Variants in HDX observed in about 807,000 individuals in gnomAD.
HDX encodes chromosome X open reading frame 43.
A neutral mutation model predicts 45.2 loss-of-function variants in HDX; 19 were observed. The observed-to-expected ratio is 0.42, with a 90% CI of 0.29 to 0.62. HDX has a LOEUF of 0.62. Among genes scored for constraint, HDX ranks in the 20% least tolerant of loss-of-function variants. HDX has a pLI of 0.20. For synonymous variants in HDX, 188 were observed against 172.8 expected, an observed-to-expected ratio of 1.09 and a Z score of -0.69; for missense variants, 532 against 493.9, an observed-to-expected ratio of 1.08 and a Z score of -0.73.
intron 5 of HDX, among the ~76,000 whole-genome samples, chrX:84,429,587 AT>A (rs1249522312): frequency 3.3e-4 from 36 of 110,453 alleles, no homozygotes; most frequent in African/African-American, 1.1e-3. Flanking sequence ...ATACCATGGG[AT>A]TTTATATATA....
chrX:84,354,926 CACACATATAT>C (rs1208495667), intron 6 of HDX, among the ~76,000 whole-genome samples: 3 of 24,065 alleles, frequency 1.2e-4, no homozygotes, highest in African/African-American at 3.8e-4. Context: ...TATACACACA[CACACATATAT>C]ATATATATAT....
At chrX:84,487,422 CAGTT>C (rs1280392121) in intron 2 of HDX, among the ~76,000 whole-genome samples, 146 of 112,221 alleles carry the variant, frequency 1.3e-3, no homozygotes, top group African/African-American at 4.5e-3. Flanking sequence ...TGGCAGAACA[CAGTT>C]AGCAGGCAAT....
At position 84,321,955 on chromosome X, in the gene HDX, C is replaced by T; in HGVS notation, c.2007G>A (p.Leu669=). The part of the protein sequence containing the change: ...LEEMDFNHAS[L]EPDDTSFSVS... ...CACTGAATGAGGTATCATCAGGCTC[C>T]AGTGAGGCATGATTGAAATCCATTT... The change falls in exon 11 of 11, where the codon CTG becomes CTA. Residue 669 remains leucine (L), a synonymous_variant. Transcript: ENST00000373177. 1 of 1,174,674 alleles carries T rather than the reference C, an allele frequency of 8.5e-7. No homozygotes were observed.
At chrX:84,382,061 A>G (rs1484706562) in intron 5 of HDX, among the ~76,000 whole-genome samples, 1 of 112,023 alleles carries the variant, frequency 8.9e-6, no homozygotes, top group African/African-American at 3.2e-5. Flanking sequence ...ATTTTTCAGA[A>G]GACATACAAA....
chrX:84,426,506 G>T (rs1168704060), intron 5 of HDX, among the ~76,000 whole-genome samples: 1 of 111,026 alleles, frequency 9.0e-6, no homozygotes, highest in Non-Finnish European at 1.9e-5. Context: ...GACAACAGAA[G>T]TAAATCTGGA....
In HDX at chrX:84,451,717, CA is replaced by C. The variant is rs201512328; in HGVS notation, c.1252-11133del. Among the ~76,000 whole-genome samples the C allele has an allele frequency of 5.7e-5, 6 of 104,367 alleles. No homozygotes were observed. The East Asian group carries it at 9.0e-4, about 16-fold the overall frequency. 90.6% of individuals were successfully genotyped at this position (104,367 alleles called of 115,157 possible). On this transcript the variant is annotated intron_variant, in intron 4 of 10. Transcript: ENST00000373177. ...CTGATACCAACACTAGACAAGGATG[CA>C]AAAAAAAACAAATATTTTAAGCCGG...
At chrX:84,393,879 TG>T (rs768496519) in intron 5 of HDX, among the ~76,000 whole-genome samples, 6 of 111,124 alleles carry the variant, frequency 5.4e-5, no homozygotes, top group Admixed American at 1.9e-4. Flanking sequence ...TTTTTATCTC[TG>T]ATTTTGTTTA....
intron 5 of HDX, among the ~76,000 whole-genome samples, chrX:84,411,402 T>A (rs1182638295): frequency 1.8e-5 from 2 of 112,116 alleles, no homozygotes; most frequent in Non-Finnish European, 3.8e-5. Flanking sequence ...GATTTCTGAC[T>A]TAATTTTATT....
At chrX:84,479,285 G>A (rs73508951) in intron 2 of HDX, among the ~76,000 whole-genome samples, 1,218 of 111,553 alleles carry the variant, frequency 0.011, 12 homozygotes, top group African/African-American at 0.038. Context: ...TTTGACTTCC[G>A]TAGACTGCCC....
chrX:84,355,819 T>C (rs947500881), intron 6 of HDX, among the ~76,000 whole-genome samples: 23 of 108,464 alleles, frequency 2.1e-4, no homozygotes, highest in Middle Eastern at 4.8e-3. Context: ...GTAACAAACC[T>C]GCACATTGTG....
intron 6 of HDX, among the ~76,000 whole-genome samples, chrX:84,354,228 G>A (rs1456046218): frequency 4.5e-5 from 5 of 111,388 alleles, no homozygotes; most frequent in Non-Finnish European, 9.4e-5. Flanking sequence ...TTTTCAACCA[G>A]AACACCTATG....
rs771100667 is a variant in HDX at position 84,366,310 on chromosome X, A to C, written c.1306-4698T>G. Among the ~76,000 whole-genome samples the C allele has an allele frequency of 5.4e-5, 6 of 111,688 alleles. No homozygotes were observed. The East Asian group carries it at 1.7e-3, about 32-fold the overall frequency. On this transcript the variant is annotated intron_variant, in intron 5 of 10. Coordinates refer to ENST00000373177, the MANE Select transcript of HDX (RefSeq NM_001177479.2). ...AGGACCTCTTCAAGGAGAACTACAA[A>C]CCACTGCTCAAGGAAACAAGAGAGG...
chrX:84,422,663 G>GTTTTTTTTTTTTTTTTTTT (rs779557860), intron 5 of HDX, among the ~76,000 whole-genome samples: 2 of 64,921 alleles, frequency 3.1e-5, no homozygotes, highest in Non-Finnish European at 2.8e-5. Flanking sequence ...GAAATAAAAG[G>GTTTTTTTTTTTTTTTTTTT]TTTTTTTTTT....
rs1043634590 is a variant in HDX, at chrX:84,349,596, T to C, written c.1453-5139A>G. Among the ~76,000 whole-genome samples the C allele has an allele frequency of 2.0e-4, 17 of 84,064 alleles. No homozygotes were observed. The East Asian group carries it at 6.0e-3, about 30-fold the overall frequency. The allele number at this position is 84,064 out of a possible 115,157, so 73.0% of individuals were successfully genotyped here. On this transcript the variant is annotated intron_variant, in intron 6 of 10. Coordinates refer to ENST00000373177, the MANE Select transcript of HDX (RefSeq NM_001177479.2). ...ATGTGTATATATGTACATCTATATG[T>C]TTATGTGTGTGTGTATATATATATA...
In HDX at chrX:84,360,818, T is replaced by C. The variant is rs753845741; in HGVS notation, c.1452+648A>G. Among the ~76,000 whole-genome samples the C allele has an allele frequency of 2.6e-3, 288 of 112,066 alleles. 2 individuals are homozygous for C. The highest frequency in any genetic ancestry group is 9.0e-3 in the African/African-American group (279 of 30,915). On this transcript the variant is annotated intron_variant, in intron 6 of 10. Transcript: ENST00000373177. ...TCCAGATGTTGTCTATACATTCACT[T>C]GGTGGATGTTTGGGTTGTTTCCATT...
intron 5 of HDX, among the ~76,000 whole-genome samples, chrX:84,415,859 T>C (rs2039090848): frequency 8.9e-6 from 1 of 111,926 alleles, no homozygotes; most frequent in Non-Finnish European, 1.9e-5. Context: ...AACTTTTATA[T>C]GAATAGAACG....
At chrX:84,388,255 C>T (rs2038364785) in intron 5 of HDX, among the ~76,000 whole-genome samples, 1 of 109,664 alleles carries the variant, frequency 9.1e-6, no homozygotes, top group Non-Finnish European at 1.9e-5. Flanking sequence ...TTGCATTGAC[C>T]TTGGTGACTC....
intron 5 of HDX, chrX:84,439,944 G>A (rs923086821): frequency 9.0e-6 from 1 of 111,134 alleles, no homozygotes. Flanking sequence ...TTCCTATATA[G>A]GGACCAGTCA....
intron 6 of HDX, among the ~76,000 whole-genome samples, chrX:84,358,092 A>G (rs2037531204): frequency 1.8e-5 from 2 of 112,292 alleles, no homozygotes; most frequent in Non-Finnish European, 3.8e-5. Flanking sequence ...TTGCATATAC[A>G]TGGACTTATA....
Sources: gnomAD v4.1 joint callset for allele counts (sites outside exome capture counted in the v4.1 genomes callset) on GRCh38, gnomAD v4.1.1 for gene constraint, MANE v1.5 for transcripts, NCBI Gene and HGNC (gene_info 2026-07-23, HGNC 2026-07-21) for gene names.